Variants in MOXD1 observed in about 807,000 individuals in gnomAD.
MOXD1 encodes the protein DBH-like monooxygenase protein 1.
A neutral mutation model predicts 66.6 loss-of-function variants in MOXD1; 62 were observed. The ratio of observed to expected loss-of-function variants is 0.93; its 90% CI spans 0.76 to 1.15. The LOEUF (loss-of-function observed/expected upper bound fraction) is 1.15. Among genes scored for constraint, MOXD1 ranks in the 50% most tolerant of loss-of-function variants. The pLI is 0.00. For synonymous variants in MOXD1, 303 were observed against 281.9 expected (o/e 1.07, Z -0.75); for missense variants, 847 against 754.6 (o/e 1.12, Z -1.44).
chr6:132,334,585 C>T (rs11965875), intron 4 of MOXD1, among the ~76,000 whole-genome samples: 16,557 of 152,260 alleles, frequency 0.11, 985 homozygotes, highest in Middle Eastern at 0.14. Flanking sequence ...TGCCTCAGAA[C>T]GTCAATCTTT....
chr6:132,300,634 T>C (rs1324625946), intron 10 of MOXD1, among the ~76,000 whole-genome samples: 1 of 152,174 alleles, frequency 6.6e-6, no homozygotes, highest in African/African-American at 2.4e-5. Context: ...TAAAAAGCTT[T>C]GCTGCTATAA....
intron 4 of MOXD1, among the ~76,000 whole-genome samples, chr6:132,329,251 T>C (rs1775264119): frequency 6.6e-6 from 1 of 152,162 alleles, no homozygotes; most frequent in Non-Finnish European, 1.5e-5. Context: ...TTGCTGAGAA[T>C]GTTGGTTTCC....
At chr6:132,386,446 CA>C (rs35417733) in intron 1 of MOXD1, among the ~76,000 whole-genome samples, 10,291 of 126,560 alleles carry the variant, frequency 0.081, 1,400 homozygotes, top group African/African-American at 0.25. Flanking sequence ...AAAAAAAAAA[CA>C]AAAAAAAAAC....
chr6:132,401,067 G>C, intron 1 of MOXD1, 96 bp downstream of exon 1: 1 of 1,342,346 alleles, frequency 7.4e-7, no homozygotes, highest in South Asian at 1.6e-5. Flanking sequence ...GTGAGAGAGA[G>C]CTGCGGGCCC....
In MOXD1 at chr6:132,373,786, A is replaced by G. The variant is rs560780301; in HGVS notation, c.412-789T>C. 3.9e-5 allele frequency among the ~76,000 whole-genome samples: 6 copies of G among 152,354 alleles called. No homozygotes were observed. In the East Asian group the frequency reaches 1.2e-3, roughly 29 times the overall value. ...TGTAATAAGAACTTTGAAAATAAAT[A>G]ATAACGCAAAAGTATTTTAAATGTT... On this transcript the variant is annotated intron_variant, in intron 2 of 11. Transcript: ENST00000367963.
rs3736698 is a variant in MOXD1 at position 132,328,184 on chromosome 6, C to G, written c.844-69G>C. 610 of 1,373,048 alleles carry G rather than the reference C, an allele frequency of 4.4e-4. 7 individuals are homozygous for G. The East Asian group carries it at 0.014, about 31-fold the overall frequency. 85.1% of individuals were successfully genotyped at this position (1,373,048 alleles called of 1,614,324 possible). ...CTGAGAGCTCTATTCCACTCAAAAA[C>G]CAGCCATCTTCAAGGATATTTCAAC... On this transcript the variant is annotated intron_variant, in intron 5 of 11. Coordinates refer to ENST00000367963, the MANE Select transcript of MOXD1 (RefSeq NM_015529.4).
Position 132,383,251 on chromosome 6 carries a change from T to TA in MOXD1, c.265-8475dup, listed in dbSNP as rs576022386. Among the ~76,000 whole-genome samples the TA allele has an allele frequency of 4.7e-4, 71 of 152,304 alleles. 1 individual carries two copies. The South Asian group carries it at 9.9e-3, about 21-fold the overall frequency. The stretch of plus-strand genomic sequence containing the variant: ...TTGTGTTAAAGGGAATCTTTGATCC[T>TA]AAAAAATCACAGAGCTGTACAAACA... On this transcript the variant is annotated intron_variant, in intron 1 of 11. Transcript: ENST00000367963.
At chr6:132,396,486 G>C (rs1776878036) in intron 1 of MOXD1, among the ~76,000 whole-genome samples, 1 of 150,604 alleles carries the variant, frequency 6.6e-6, no homozygotes, top group South Asian at 2.1e-4. Context: ...AGAAGAACAA[G>C]AAAAACCACA....
At chr6:132,301,604 G>C (rs973579558) in intron 10 of MOXD1, among the ~76,000 whole-genome samples, 5 of 152,050 alleles carry the variant, frequency 3.3e-5, no homozygotes, top group African/African-American at 1.2e-4. Context: ...GGAAGGAAGA[G>C]AGATGGAAGA....
chr6:132,323,253 G>A (rs535325793), intron 7 of MOXD1, among the ~76,000 whole-genome samples: 9 of 152,288 alleles, frequency 5.9e-5, no homozygotes, highest in Admixed American at 5.2e-4. Context: ...AAGCGAAAGT[G>A]GGTCAATGGA....
chr6:132,353,036 G>C (rs1049980611), intron 4 of MOXD1, among the ~76,000 whole-genome samples: 2 of 152,020 alleles, frequency 1.3e-5, no homozygotes, highest in Non-Finnish European at 2.9e-5. Flanking sequence ...GAGTCCTTAC[G>C]TGTTAGGTGA....
At chr6:132,314,111 C>T (rs946268453) in intron 10 of MOXD1, among the ~76,000 whole-genome samples, 1 of 152,166 alleles carries the variant, frequency 6.6e-6, no homozygotes, top group African/African-American at 2.4e-5. Context: ...AGAATAGATA[C>T]ATCAACCTTA....
intron 4 of MOXD1, among the ~76,000 whole-genome samples, chr6:132,358,405 T>C (rs969484033): frequency 6.6e-6 from 1 of 152,152 alleles, no homozygotes; most frequent in Non-Finnish European, 1.5e-5. Flanking sequence ...TCTCGCTCCA[T>C]GACATTAGAG....
chr6:132,301,275 T>C (rs1305787912), intron 10 of MOXD1, among the ~76,000 whole-genome samples: 1 of 151,640 alleles, frequency 6.6e-6, no homozygotes, highest in East Asian at 1.9e-4. Context: ...TATTGATGGG[T>C]AATTTTCCTT....
chr6:132,401,383 C>G lies in MOXD1; in HGVS notation c.44G>C (p.Gly15Ala), dbSNP rs1777025009. The change falls in exon 1 of 12, where the codon GGG becomes GCG. Residue 15 changes from glycine (G) to alanine (A), a missense_variant. Transcript: ENST00000367963. ...PLLLLWGLLP[G>A]TAAGGSGRTY... ...TCGGCCCGAGCCCCCCGCCGCCGTC[C>G]CGGGGAGCAGCCCCCACAGCAGGAG... The G allele has an allele frequency of 6.5e-7, 1 of 1,538,540 alleles. No homozygotes were observed. The highest frequency in any genetic ancestry group is 8.7e-7 in the Non-Finnish European group (1 of 1,148,298).
At chr6:132,375,450 A>T (rs1258184889) in intron 1 of MOXD1, among the ~76,000 whole-genome samples, 1 of 152,118 alleles carries the variant, frequency 6.6e-6, no homozygotes, top group Non-Finnish European at 1.5e-5. Flanking sequence ...TTTGAGACGG[A>T]ATCTGGCTCT....
rs1775745391 is a variant in MOXD1, at chr6:132,349,422, C to CACATATATATACAT, written c.664-20829_664-20828insATGTATATATATGT. On this transcript the variant is annotated intron_variant, in intron 4 of 11. Transcript: ENST00000367963. ...ATATATATACATATATATATATATACATATATATATATACATATATATATA... is the reference window on the plus strand; with the variant it reads ...ATATATATACATATATATATATATACACATATATATACATATATATATATATACATATATATATA... Among the ~76,000 whole-genome samples, 3 of 36,946 alleles carry CACATATATATACAT rather than the reference C, an allele frequency of 8.1e-5. 1 individual carries two copies. The highest frequency in any genetic ancestry group is 2.3e-4 in the African/African-American group (2 of 8,680). The allele number at this position is 36,946 out of a possible 152,430, so 24.2% of individuals were successfully genotyped here. A position where few individuals can be genotyped will look rare whatever the true frequency, so the allele number is the denominator to read the frequency against.
chr6:132,327,247 A>G (rs553157392), intron 6 of MOXD1, among the ~76,000 whole-genome samples: 7 of 152,352 alleles, frequency 4.6e-5, no homozygotes, highest in African/African-American at 1.4e-4. Flanking sequence ...CAATTGGCAT[A>G]CATATAATTT....
At chr6:132,302,519 A>G (rs545800466) in intron 10 of MOXD1, among the ~76,000 whole-genome samples, 1 of 152,220 alleles carries the variant, frequency 6.6e-6, no homozygotes, top group East Asian at 1.9e-4. Flanking sequence ...CAAAACTTCT[A>G]TATTGAAAAC....
Sources: allele counts gnomAD v4.1 joint callset (sites outside exome capture counted in the v4.1 genomes callset), GRCh38; gene constraint gnomAD v4.1.1; transcripts MANE v1.5; gene names NCBI Gene and HGNC (gene_info 2026-07-23, HGNC 2026-07-21).